Variants in PELI2 observed in about 807,000 individuals in gnomAD.
PELI2 encodes the protein pellino E3 ubiquitin protein ligase family member 2.
A neutral mutation model predicts 42.3 loss-of-function variants in PELI2; 23 were observed. The observed-to-expected ratio is 0.54, with a 90% CI of 0.39 to 0.77. The LOEUF is 0.77. Ranked by LOEUF, PELI2 falls within the 30% of genes least tolerant of loss-of-function variation. The pLI is 0.00. For missense variants in PELI2, 463 were observed against 553.2 expected, an observed-to-expected ratio of 0.84 and a Z score of 1.64; for synonymous variants, 245 against 212.2, an observed-to-expected ratio of 1.15 and a Z score of -1.34.
chr14:56,278,391 A>G (rs755706639), intron 2 of PELI2, among the ~76,000 whole-genome samples: 2 of 152,220 alleles, frequency 1.3e-5, no homozygotes, highest in Non-Finnish European at 2.9e-5. Flanking sequence ...TAAATTGAAA[A>G]TAGTTCTTTA....
At chr14:56,149,810 A>G (rs1884270262) in intron 1 of PELI2, among the ~76,000 whole-genome samples, 1 of 152,174 alleles carries the variant, frequency 6.6e-6, no homozygotes, top group Non-Finnish European at 1.5e-5. Context: ...AGTATCTTTT[A>G]GGGATTAATA....
At chr14:56,182,853 G>C (rs2139675044) in intron 2 of PELI2, among the ~76,000 whole-genome samples, 1 of 152,232 alleles carries the variant, frequency 6.6e-6, no homozygotes, top group Middle Eastern at 3.4e-3. Context: ...TGATTTTGTA[G>C]GATGTGCTGG....
rs542796977 is a variant in PELI2, at chr14:56,277,555, A to AT, written c.208-2120dup. On this transcript the variant is annotated intron_variant, in intron 2 of 5. Coordinates refer to ENST00000267460, the MANE Select transcript of PELI2 (RefSeq NM_021255.3). ...AGAAATAAAGTATACAATAAATGTA[A>AT]TGTGCCTGAATCATCCCCAAACCAT... Among the ~76,000 whole-genome samples, 4 of 152,218 alleles carry AT rather than the reference A, an allele frequency of 2.6e-5. No homozygotes were observed. In the South Asian group the frequency reaches 8.3e-4, roughly 32 times the overall value.
At chr14:56,166,200 A>C (rs1203080444) in intron 1 of PELI2, among the ~76,000 whole-genome samples, 3 of 152,202 alleles carry the variant, frequency 2.0e-5, no homozygotes, top group Admixed American at 6.5e-5. Context: ...CGGTTATTTT[A>C]ACCCAATAAC....
chr14:56,284,624 T>C (rs973459796), intron 3 of PELI2, among the ~76,000 whole-genome samples: 1 of 152,200 alleles, frequency 6.6e-6, no homozygotes, highest in Non-Finnish European at 1.5e-5. Context: ...ATCTATTAAG[T>C]TAAGAGGAAA....
chr14:56,296,396 G>A (rs1231896605), intron 5 of PELI2, among the ~76,000 whole-genome samples: 1 of 152,142 alleles, frequency 6.6e-6, no homozygotes, highest in South Asian at 2.1e-4. Flanking sequence ...TTGTACATAC[G>A]GCATATATGT....
At chr14:56,156,102 A>G (rs1414902383) in intron 1 of PELI2, among the ~76,000 whole-genome samples, 1 of 152,178 alleles carries the variant, frequency 6.6e-6, no homozygotes, top group Non-Finnish European at 1.5e-5. Flanking sequence ...TGAAATAAAT[A>G]TTGTTTTATT....
chr14:56,255,052 TTCAA>T (rs1411338724), intron 2 of PELI2, among the ~76,000 whole-genome samples: 2 of 152,178 alleles, frequency 1.3e-5, no homozygotes, highest in African/African-American at 4.8e-5. Context: ...TGTAAATTAG[TTCAA>T]TCATTGTGAA....
chr14:56,280,691 T>C (rs1889455231), intron 3 of PELI2, among the ~76,000 whole-genome samples: 2 of 152,032 alleles, frequency 1.3e-5, no homozygotes, highest in African/African-American at 4.8e-5. Flanking sequence ...AGAAAAAAAC[T>C]TAGGAGAATT....
At chr14:56,258,429 T>G (rs995976558) in intron 2 of PELI2, among the ~76,000 whole-genome samples, 18 of 151,988 alleles carry the variant, frequency 1.2e-4, no homozygotes, top group Admixed American at 1.0e-3. Flanking sequence ...ACAGATGGAA[T>G]TAAACACAGA....
chr14:56,158,735 A>C (rs1229205688), intron 1 of PELI2, among the ~76,000 whole-genome samples: 2 of 152,314 alleles, frequency 1.3e-5, no homozygotes, highest in East Asian at 3.9e-4. Flanking sequence ...TTTGCCAAAT[A>C]ATTAAAAATT....
chr14:56,216,811 C>T (rs959166909), intron 2 of PELI2, among the ~76,000 whole-genome samples: 5 of 152,196 alleles, frequency 3.3e-5, no homozygotes, highest in African/African-American at 7.2e-5. Context: ...TTACTTACCC[C>T]GCAGACAGTT....
intron 2 of PELI2, among the ~76,000 whole-genome samples, chr14:56,200,342 G>A (rs1003217141): frequency 1.5e-5 from 1 of 64,820 alleles, no homozygotes; most frequent in Non-Finnish European, 4.1e-5. Context: ...AGTTTCACAA[G>A]GTAGGGCTTT....
intron 1 of PELI2, among the ~76,000 whole-genome samples, chr14:56,175,849 G>T (rs1024561541): frequency 6.6e-6 from 1 of 152,128 alleles, no homozygotes; most frequent in Non-Finnish European, 1.5e-5. Flanking sequence ...AGTACATCTG[G>T]GCCAATAGAA....
At chr14:56,158,181 C>T (rs1884634155) in intron 1 of PELI2, among the ~76,000 whole-genome samples, 1 of 152,000 alleles carries the variant, frequency 6.6e-6, no homozygotes, top group Non-Finnish European at 1.5e-5. Context: ...ATGTGCATCA[C>T]CACGCCTGGC....
chr14:56,283,170 G>A lies in PELI2; in HGVS notation c.309+3393G>A, dbSNP rs1459842596. Among the ~76,000 whole-genome samples, 4 of 152,074 alleles carry A rather than the reference G, an allele frequency of 2.6e-5. No individual in the cohort carries two copies. In the South Asian group the frequency reaches 6.2e-4, roughly 24 times the overall value. ...TCCGCACTGTTGAACAGTCACATTC[G>A]ACTCACATGCTCACTTTCTTCCCTC... On this transcript the variant is annotated intron_variant, in intron 3 of 5. Coordinates refer to ENST00000267460, the MANE Select transcript of PELI2 (RefSeq NM_021255.3).
chr14:56,159,307 A>G (rs1280486326), intron 1 of PELI2, among the ~76,000 whole-genome samples: 2 of 152,158 alleles, frequency 1.3e-5, no homozygotes, highest in Non-Finnish European at 2.9e-5. Flanking sequence ...AGTGTCTCTC[A>G]TTCTCCTTGG....
At chr14:56,212,513 G>A (rs1886747241) in intron 2 of PELI2, among the ~76,000 whole-genome samples, 2 of 152,170 alleles carry the variant, frequency 1.3e-5, no homozygotes, top group Non-Finnish European at 2.9e-5. Context: ...ACCATGGCCT[G>A]ACCTGGCCCA....
chr14:56,289,023 T>C (rs1011341868), intron 4 of PELI2, among the ~76,000 whole-genome samples: 2 of 152,230 alleles, frequency 1.3e-5, no homozygotes, highest in Non-Finnish European at 2.9e-5. Flanking sequence ...GAGTGTTTGC[T>C]ATGTTCCATA....
Sources: gnomAD v4.1 joint callset for allele counts (sites outside exome capture counted in the v4.1 genomes callset) on GRCh38, gnomAD v4.1.1 for gene constraint, MANE v1.5 for transcripts, NCBI Gene and HGNC (gene_info 2026-07-23, HGNC 2026-07-21) for gene names.